TMEM131L: variants seen among roughly 807,000 people sequenced by gnomAD.
TMEM131L encodes transmembrane protein 131-like.
A neutral mutation model predicts 192.2 loss-of-function variants in TMEM131L; 54 were observed. That is an observed-to-expected ratio of 0.28 (90% CI 0.23 to 0.35). TMEM131L has a LOEUF of 0.35. TMEM131L is among the 10% of genes least tolerant of loss of function. The pLI, the probability that TMEM131L is intolerant of heterozygous loss-of-function variation, is 1.00. For synonymous variants in TMEM131L, 701 were observed against 704.9 expected (o/e 0.99, Z 0.09); for missense variants, 1,888 against 1,972.9 (o/e 0.96, Z 0.82).
intron 7 of TMEM131L, among the ~76,000 whole-genome samples, chr4:153,561,875 C>T (rs761824299): frequency 5.9e-5 from 9 of 151,300 alleles, no homozygotes; most frequent in East Asian, 1.9e-4. Context: ...TGTGGTGTTA[C>T]GGTATAAAAT....
intron 3 of TMEM131L, among the ~76,000 whole-genome samples, chr4:153,508,226 C>T (rs771558058): frequency 6.6e-6 from 1 of 152,122 alleles, no homozygotes; most frequent in Non-Finnish European, 1.5e-5. Flanking sequence ...AATAGGAAGG[C>T]AGATAGACTT....
chr4:153,581,656 A>G, intron 9 of TMEM131L, 96 bp downstream of exon 9: 1 of 773,444 alleles, frequency 1.3e-6, no homozygotes, highest in Non-Finnish European at 1.8e-6. Flanking sequence ...GCAAACCAAG[A>G]CAAATAGCCT....
chr4:153,624,366 G>A (rs28471018), intron 29 of TMEM131L, among the ~76,000 whole-genome samples: 2,593 of 152,254 alleles, frequency 0.017, 83 homozygotes, highest in African/African-American at 0.057. Flanking sequence ...TGATCTGCCC[G>A]CCTTGGCCTC....
In TMEM131L at chr4:153,508,818, A is replaced by G. The variant is rs566487740; in HGVS notation, c.239+34930A>G. Reference sequence around the variant, plus strand: ...TATCACCACGCCCTGCTAATTTTTTATTTTTCATAGAGAAGGGGTCTCACT... The same window carrying G: ...TATCACCACGCCCTGCTAATTTTTTGTTTTTCATAGAGAAGGGGTCTCACT... On this transcript the variant is annotated intron_variant, in intron 3 of 34. Transcript: ENST00000409959. 2.0e-5 allele frequency among the ~76,000 whole-genome samples: 3 copies of G among 150,428 alleles called. No homozygotes were observed. The East Asian group carries it at 5.9e-4, about 30-fold the overall frequency.
intron 3 of TMEM131L, among the ~76,000 whole-genome samples, chr4:153,512,348 T>C (rs1051132631): frequency 2.6e-5 from 4 of 152,194 alleles, no homozygotes; most frequent in African/African-American, 9.7e-5. Context: ...AACAAAGATG[T>C]GAAGAACTGT....
intron 21 of TMEM131L, 90 bp downstream of exon 21, chr4:153,598,822 A>G: frequency 9.1e-7 from 1 of 1,098,888 alleles, no homozygotes. Context: ...TTTAAATTCT[A>G]AAATTTTAAA....
In TMEM131L at chr4:153,576,807, AC is replaced by A. The variant is rs529051977; in HGVS notation, c.661-4017del. ...GTTTTTATTCTTTTATTTTGTAGGC[AC>A]CGTTTACTATTTTCTGTTTCTTGCC... On this transcript the variant is annotated intron_variant, in intron 7 of 34. Transcript: ENST00000409959. Among the ~76,000 whole-genome samples, 128 of 152,084 alleles carry A rather than the reference AC, an allele frequency of 8.4e-4. No homozygotes were observed. The South Asian group carries it at 0.01, about 12-fold the overall frequency.
intron 3 of TMEM131L, among the ~76,000 whole-genome samples, chr4:153,524,336 C>T (rs1341482594): frequency 6.6e-6 from 1 of 152,142 alleles, no homozygotes; most frequent in Non-Finnish European, 1.5e-5. Flanking sequence ...CGGTTGAGGC[C>T]ATAAGCGAGG....
rs764409951 is a variant in TMEM131L, at chr4:153,587,770, C to G, written c.1511C>G (p.Ala504Gly). The G allele has an allele frequency of 6.2e-7, 1 of 1,613,318 alleles. No homozygotes were observed. Among genetic ancestry groups the G allele is most frequent in the Non-Finnish European group, 8.5e-7 (1 of 1,179,306 alleles). Residue 504 changes from alanine to glycine, a missense_variant, in exon 15 of 35, where the codon GCA becomes GGA. Physicochemically the swap from Ala to Gly is moderately conservative, Grantham distance 60. Coordinates refer to ENST00000409959, the MANE Select transcript of TMEM131L (RefSeq NM_001131007.2). ...KEGSLGFEVI[A>G]HCGMHYFMGK... ...GGGAGTCTGGGTTTTGAAGTGATAG[C>G]ACATTGTGGCATGCATTATTTCATG...
At chr4:153,539,492 ATTTT>A (rs750436196) in intron 3 of TMEM131L, among the ~76,000 whole-genome samples, 1,281 of 110,736 alleles carry the variant, frequency 0.012, 18 homozygotes, top group African/African-American at 0.041. Context: ...CAGAGGCTAG[ATTTT>A]TTTTTTTTTT....
chr4:153,608,512 C>T (rs556184900), intron 25 of TMEM131L, among the ~76,000 whole-genome samples: 10 of 152,276 alleles, frequency 6.6e-5, no homozygotes, highest in African/African-American at 2.2e-4. Flanking sequence ...GCAGCACTAC[C>T]AAGGAGAAAT....
Position 153,604,295 on chromosome 4 carries a change from G to T in TMEM131L, c.3283G>T (p.Glu1095Ter). The T allele has an allele frequency of 6.2e-7, 1 of 1,614,106 alleles. No individual in the cohort carries two copies. The highest frequency in any genetic ancestry group is 8.5e-7 in the Non-Finnish European group (1 of 1,180,008). Reference sequence around the variant, plus strand: ...TAAGGAAACTGACATTAAAACTTCAGAGAACACAGCCGAGTTCAAGGAACG... The same window carrying T: ...TAAGGAAACTGACATTAAAACTTCATAGAACACAGCCGAGTTCAAGGAACG... ...FPKETDIKTSENTAEFKEREL... is the reference protein window; with the variant it reads ...FPKETDIKTS The change falls in exon 25 of 35, where the codon GAG (glutamate) becomes TAG (stop). Residue 1095 changes from glutamate (E) to a stop codon, truncating the protein, a stop_gained. Transcript: ENST00000409959. LOFTEE classifies it high-confidence loss of function.
chr4:153,596,444 T>C lies in TMEM131L; in HGVS notation c.2123+59T>C. The stretch of plus-strand genomic sequence containing the variant: ...TCTCAATGACTCATCTGTGTAAATC[T>C]CTTTAGCTGATAGTTGACGTTCACT... On this transcript the variant is annotated intron_variant, in intron 20 of 34. Transcript: ENST00000409959. The C allele has an allele frequency of 4.4e-6, 7 of 1,587,282 alleles. No homozygotes were observed. In the South Asian group the frequency reaches 7.8e-5, roughly 18 times the overall value.
chr4:153,513,593 TAAAATTGCTCTCCATTCGA>T (rs1265773172), intron 3 of TMEM131L, among the ~76,000 whole-genome samples: 1 of 152,194 alleles, frequency 6.6e-6, no homozygotes, highest in Non-Finnish European at 1.5e-5. Context: ...GTAATACTAA[TAAAATTGCTCTCCATTCGA>T]ACATGTCTTC....
rs564782489 is a variant in TMEM131L at position 153,552,941 on chromosome 4, TTG to T, written c.308+2804_308+2805del. Among the ~76,000 whole-genome samples, 192 of 127,320 alleles carry T rather than the reference TTG, an allele frequency of 1.5e-3. 1 individual carries two copies. The highest frequency in any genetic ancestry group is 6.7e-3 in the South Asian group (28 of 4,168). The allele number at this position is 127,320 out of a possible 152,430, so 83.5% of individuals were successfully genotyped here. The stretch of plus-strand genomic sequence containing the variant: ...CTCTTTTTTCTTGTGTTGTTATTTT[TTG>T]TGTTTTTTTTTTTCCCTCAAACACT... On this transcript the variant is annotated intron_variant, in intron 4 of 34. Coordinates refer to ENST00000409959, the MANE Select transcript of TMEM131L (RefSeq NM_001131007.2).
intron 3 of TMEM131L, among the ~76,000 whole-genome samples, chr4:153,494,799 C>A (rs767918248): frequency 6.6e-6 from 1 of 152,152 alleles, no homozygotes; most frequent in East Asian, 1.9e-4. Flanking sequence ...CCGTCGGGAG[C>A]GCTAAGAGGG....
intron 3 of TMEM131L, among the ~76,000 whole-genome samples, chr4:153,493,966 T>C (rs1732980812): frequency 6.6e-6 from 1 of 152,196 alleles, no homozygotes; most frequent in Non-Finnish European, 1.5e-5. Context: ...GCTGACACCG[T>C]TCCCTGGCTT....
At chr4:153,612,756 C>T (rs1424650935) in intron 26 of TMEM131L, among the ~76,000 whole-genome samples, 3 of 151,986 alleles carry the variant, frequency 2.0e-5, no homozygotes, top group African/African-American at 7.3e-5. Context: ...TGCTTTTTGT[C>T]TGTCTTTGTC....
At chr4:153,561,788 A>G (rs1033871466) in intron 7 of TMEM131L, among the ~76,000 whole-genome samples, 7 of 152,184 alleles carry the variant, frequency 4.6e-5, no homozygotes, top group African/African-American at 1.7e-4. Flanking sequence ...CCATTAGTCA[A>G]AAATAGTTAT....
Sources: gnomAD v4.1 joint callset for allele counts (sites outside exome capture counted in the v4.1 genomes callset) on GRCh38, gnomAD v4.1.1 for gene constraint, MANE v1.5 for transcripts, NCBI Gene and HGNC (gene_info 2026-07-23, HGNC 2026-07-21) for gene names.